Variants in ABCB8 observed in about 807,000 individuals in gnomAD.
ABCB8 encodes the protein mitochondrial potassium channel ATP-binding subunit.
Under a neutral mutation model 73.0 loss-of-function variants are expected in ABCB8, and 52 were observed. The ratio of observed to expected loss-of-function variants is 0.71; its 90% CI spans 0.57 to 0.90. The LOEUF is 0.90. ABCB8 is among the 40% of genes least tolerant of loss of function. ABCB8 has a pLI of 0.00. For missense variants in ABCB8, 909 were observed against 974.6 expected, an observed-to-expected ratio of 0.93 and a Z score of 0.90; for synonymous variants, 428 against 423.5, an observed-to-expected ratio of 1.01 and a Z score of -0.13.
At chr7:151,037,566 A>G in intron 9 of ABCB8, 1 of 544,174 alleles carries the variant, frequency 1.8e-6, no homozygotes, top group East Asian at 3.2e-5. Flanking sequence ...ATAATGAGAT[A>G]GTAAATATGC....
intron 9 of ABCB8, 115 bp from the exon 10 acceptor site, chr7:151,040,153 G>C: frequency 8.1e-7 from 1 of 1,235,904 alleles, no homozygotes; most frequent in Admixed American, 2.2e-5. Flanking sequence ...AGCAGTCTCT[G>C]CATTTGGCCA....
At chr7:151,032,578 C>T (rs1796192701) in intron 1 of ABCB8, among the ~76,000 whole-genome samples, 3 of 151,976 alleles carry the variant, frequency 2.0e-5, no homozygotes, top group Admixed American at 6.6e-5. Flanking sequence ...CCTGTAGTCC[C>T]AGCTGCTCAG....
intron 9 of ABCB8, chr7:151,037,371 G>A (rs2117222417): frequency 1.4e-6 from 1 of 701,350 alleles, no homozygotes; most frequent in East Asian, 2.7e-5. Context: ...GGGATGACAA[G>A]CTGACCCCTG....
At chr7:151,038,201 G>C (rs970409713) in intron 9 of ABCB8, 1 of 152,344 alleles carries the variant, frequency 6.6e-6, no homozygotes, top group Admixed American at 6.5e-5. Flanking sequence ...TGAATGGGAC[G>C]GTCGTTTTAG....
chr7:151,044,359 A>C, intron 15 of ABCB8, 138 bp downstream of exon 15: 1 of 1,398,330 alleles, frequency 7.2e-7, no homozygotes, highest in Non-Finnish European at 9.6e-7. Context: ...GCAGCGTCCC[A>C]TATAGAGTCA....
At chr7:151,042,648 G>A (rs1417126202) in intron 14 of ABCB8, among the ~76,000 whole-genome samples, 1 of 152,250 alleles carries the variant, frequency 6.6e-6, no homozygotes, top group African/African-American at 2.4e-5. Context: ...TGCAGGGCGT[G>A]CACCTTGCAG....
At chr7:151,037,081 C>T in intron 9 of ABCB8, 2 of 697,670 alleles carry the variant, frequency 2.9e-6, no homozygotes, top group Non-Finnish European at 2.6e-6. Flanking sequence ...CGGAAACTAT[C>T]CCCATGACAT....
chr7:151,042,763 G>A (rs1024833857), intron 14 of ABCB8, among the ~76,000 whole-genome samples: 4 of 152,214 alleles, frequency 2.6e-5, no homozygotes, highest in African/African-American at 9.6e-5. Context: ...TCAGGATACA[G>A]GGATACCTGG....
chr7:151,032,158 C>T (rs941442024), intron 1 of ABCB8, among the ~76,000 whole-genome samples: 9 of 152,184 alleles, frequency 5.9e-5, no homozygotes, highest in Non-Finnish European at 1.0e-4. Flanking sequence ...GAGCTCTCCC[C>T]TTTACACTCC....
intron 14 of ABCB8, among the ~76,000 whole-genome samples, chr7:151,043,397 TG>T (rs34535264): frequency 1.6e-4 from 10 of 63,028 alleles, no homozygotes; most frequent in East Asian, 4.3e-4. Flanking sequence ...CAGTGTGGGG[TG>T]GGGGGTCAGA....
chr7:151,036,523 C>A, intron 8 of ABCB8, 21 bp from the exon 9 acceptor site: 1 of 1,604,008 alleles, frequency 6.2e-7, no homozygotes, highest in Non-Finnish European at 8.5e-7. Context: ...TTCGTCCTCC[C>A]TCACTTCCCC....
At chr7:151,032,937 G>C (rs1046662754) in intron 1 of ABCB8, 15 of 448,414 alleles carry the variant, frequency 3.3e-5, no homozygotes, top group African/African-American at 6.0e-5. Context: ...CACACTGGCA[G>C]AGTAGAGCCA....
At chr7:151,035,397 C>T (rs1295350162) in intron 5 of ABCB8, among the ~76,000 whole-genome samples, 184 bp from the exon 6 acceptor site, 2 of 152,206 alleles carry the variant, frequency 1.3e-5, no homozygotes, top group South Asian at 4.1e-4. Flanking sequence ...GCCTGCTGCT[C>T]GCACCCCAAC....
chr7:151,038,740 C>T (rs894066749), intron 9 of ABCB8: 1 of 152,232 alleles, frequency 6.6e-6, no homozygotes, highest in Non-Finnish European at 1.5e-5. Flanking sequence ...CCCCCAGGGG[C>T]TTGTCTGTGC....
chr7:151,032,255 A>G (rs1051757811), intron 1 of ABCB8, among the ~76,000 whole-genome samples: 3 of 152,128 alleles, frequency 2.0e-5, no homozygotes, highest in Non-Finnish European at 4.4e-5. Flanking sequence ...GAGAAGGAGG[A>G]GCAGGGCTTC....
At position 151,033,721 on chromosome 7, in the gene ABCB8, G is replaced by A. The variant is rs1283485959; in HGVS notation, c.212G>A (p.Trp71Ter). The A allele has an allele frequency of 6.2e-7, 1 of 1,613,928 alleles. No homozygotes were observed. The highest frequency in any genetic ancestry group is 8.5e-7 in the Non-Finnish European group (1 of 1,179,946). Reference protein sequence around the residue: ...PLAPRWSPSAWCWVGGALLGP... With the variant: ...PLAPRWSPSA ...GCTCCCAGATGGAGCCCCTCTGCCT[G>A]GTGCTGGGTTGGGGGAGCCCTGCTA... The change falls in exon 2 of 16, where the codon TGG becomes TAG. Residue 71 changes from tryptophan (W) to a stop codon, truncating the protein, a stop_gained. Transcript: ENST00000358849. LOFTEE classifies it high-confidence loss of function.
At chr7:151,035,836 G>A in intron 6 of ABCB8, 46 bp from the exon 7 acceptor site, 1 of 1,610,726 alleles carries the variant, frequency 6.2e-7, no homozygotes, top group Non-Finnish European at 8.5e-7. Context: ...TGGACTCCTT[G>A]TCCTGTTTTC....
chr7:151,042,230 T>G (rs1796487810), intron 14 of ABCB8, 122 bp downstream of exon 14: 1 of 1,443,958 alleles, frequency 6.9e-7, no homozygotes, highest in Non-Finnish European at 9.4e-7. Flanking sequence ...AAGACAGTTG[T>G]GTCAGGGAAG....
At chr7:151,037,874 TG>T (rs1158619689) in intron 9 of ABCB8, 1 of 167,496 alleles carries the variant, frequency 6.0e-6, no homozygotes, top group African/African-American at 2.4e-5. Context: ...CGCAGCTGCA[TG>T]GACACCCTCG....
Sources: allele counts gnomAD v4.1 joint callset (sites outside exome capture counted in the v4.1 genomes callset), GRCh38; gene constraint gnomAD v4.1.1; transcripts MANE v1.5; gene names NCBI Gene and HGNC (gene_info 2026-07-23, HGNC 2026-07-21).